The following RPS6KA2 variants were observed in gnomAD, a reference collection of about 807,000 sequenced individuals.
The protein encoded by RPS6KA2 is ribosomal protein S6 kinase alpha-2.
RPS6KA2 carries 42 observed loss-of-function variants against 91.8 expected under a neutral mutation model. The ratio of observed to expected loss-of-function variants is 0.46; its 90% CI spans 0.36 to 0.59. RPS6KA2 has a LOEUF of 0.59. RPS6KA2 is among the 20% of genes least tolerant of loss of function. The probability of loss-of-function intolerance (pLI) is 0.00; values close to 1 mark genes in which losing one functional copy is unlikely to be tolerated. For synonymous variants in RPS6KA2, 414 were observed against 393.6 expected (o/e 1.05, Z -0.61); for missense variants, 798 against 978.5 (o/e 0.82, Z 2.46).
intron 2 of RPS6KA2, among the ~76,000 whole-genome samples, chr6:166,646,967 TC>T (rs1787625326): frequency 6.6e-6 from 1 of 152,176 alleles, no homozygotes; most frequent in Non-Finnish European, 1.5e-5. Context: ...CTGTCCTTTC[TC>T]CAGGCTGACG....
chr6:166,481,326 TA>T (rs892349524), intron 10 of RPS6KA2, among the ~76,000 whole-genome samples: 2 of 152,264 alleles, frequency 1.3e-5, no homozygotes, highest in African/African-American at 4.8e-5. Flanking sequence ...AGATTAGAAA[TA>T]AATAAGCCAT....
intron 13 of RPS6KA2, 84 bp downstream of exon 13, chr6:166,451,019 T>G (rs907691048): frequency 6.4e-7 from 1 of 1,551,106 alleles, no homozygotes; most frequent in African/African-American, 1.4e-5. Flanking sequence ...AACCCCCGGG[T>G]GACTGAGGCC....
In RPS6KA2 at chr6:166,612,194, G is replaced by A. The variant is rs1217996221; in HGVS notation, c.99+14727C>T. Among the ~76,000 whole-genome samples, 1 of 152,102 alleles carries A rather than the reference G, an allele frequency of 6.6e-6. No individual in the cohort carries two copies. The highest frequency in any genetic ancestry group is 1.5e-5 in the Non-Finnish European group (1 of 68,028). On this transcript the variant is annotated intron_variant, in intron 1 of 20. Coordinates refer to ENST00000265678, the MANE Select transcript of RPS6KA2 (RefSeq NM_021135.6). The surrounding 1 kb of genome is among the most constrained non-coding windows in gnomAD (Gnocchi z 4.3). ...CCAGGGAACTCACTGACCATCTGGG[G>A]GGGCTCTAGGAAAAGCCTGGAAGAG...
intron 2 of RPS6KA2, among the ~76,000 whole-genome samples, chr6:166,661,261 T>C (rs1283583720): frequency 6.6e-6 from 1 of 152,138 alleles, no homozygotes; most frequent in Non-Finnish European, 1.5e-5. Context: ...TCATCACGCA[T>C]GGCTAATTTT....
chr6:166,790,121 A>G (rs1779043942), intron 2 of RPS6KA2, among the ~76,000 whole-genome samples: 1 of 152,180 alleles, frequency 6.6e-6, no homozygotes, highest in African/African-American at 2.4e-5. Context: ...TGAAAAAAAA[A>G]TTAGACGAAT....
At chr6:166,609,668 T>C (rs1017424652) in intron 1 of RPS6KA2, among the ~76,000 whole-genome samples, 5 of 152,104 alleles carry the variant, frequency 3.3e-5, no homozygotes, top group South Asian at 4.2e-4. Flanking sequence ...CCCAGCTAAT[T>C]TTTGTATTTT....
Position 166,665,165 on chromosome 6 carries a change from GAAC to G in RPS6KA2, c.124-126384_124-126382del, listed in dbSNP as rs150241013. 0.035 allele frequency among the ~76,000 whole-genome samples: 5,310 copies of G among 152,146 alleles called. 154 individuals carry two copies. Among genetic ancestry groups the G allele is most frequent in the East Asian group, 0.077 (400 of 5,170 alleles). ...GTGTTCAAGTTCTGCCTTCCATACA[GAAC>G]AACATCTGCAGGGCTCACAGACAGA... On this transcript the variant is annotated intron_variant, in intron 2 of 21. Coordinates refer to the RPS6KA2 transcript ENST00000503859. The surrounding 1 kb of genome is among the most constrained non-coding windows in gnomAD (Gnocchi z 4.5).
In RPS6KA2 at chr6:166,767,835, G is replaced by A. The variant is rs1003216654; in HGVS notation, c.123+90365C>T. Among the ~76,000 whole-genome samples the A allele has an allele frequency of 4.7e-5, 7 of 150,190 alleles. No individual in the cohort carries two copies. Among genetic ancestry groups the A allele is most frequent in the East Asian group, 3.9e-4 (2 of 5,112 alleles). On this transcript the variant is annotated intron_variant, in intron 2 of 21. Coordinates refer to the RPS6KA2 transcript ENST00000503859. This position sits in a 1 kb window ranked among gnomAD's most constrained non-coding sequence, Gnocchi z 4.6. ...CACACACCCTGGTGTCAGGCAGCCG[G>A]CCACCACAGAGTGTGTGCGGGGATT...
At chr6:166,669,529 A>G (rs1257161313) in intron 2 of RPS6KA2, among the ~76,000 whole-genome samples, 2 of 152,104 alleles carry the variant, frequency 1.3e-5, no homozygotes, top group East Asian at 1.9e-4. Context: ...TGATGGCTCC[A>G]AAGAGTCTCC....
intron 2 of RPS6KA2, among the ~76,000 whole-genome samples, chr6:166,748,378 G>C (rs183346078): frequency 1.3e-4 from 20 of 152,098 alleles, no homozygotes; most frequent in African/African-American, 4.1e-4. Context: ...GTCTTCCACC[G>C]GCAGAAACTC....
chr6:166,541,381 T>C (rs1783648551), intron 1 of RPS6KA2, among the ~76,000 whole-genome samples: 1 of 152,256 alleles, frequency 6.6e-6, no homozygotes, highest in South Asian at 2.1e-4. Flanking sequence ...TCCTTCCTTT[T>C]TCTTCAGCAG....
intron 2 of RPS6KA2, among the ~76,000 whole-genome samples, chr6:166,818,717 A>G (rs9366060): frequency 0.63 from 95,193 of 151,944 alleles, 31,258 homozygotes; most frequent in Non-Finnish European, 0.74. Context: ...TCCATCAATT[A>G]TTTTTTAGTC....
chr6:166,627,145 G>T lies in RPS6KA2; in HGVS notation c.-126C>A. ...GGAGCCCGGCACGGCGGCCATGGGCGCGGGGCGTGGGGCGCGAGCTGCGGT... is the reference window on the plus strand; with the variant it reads ...GGAGCCCGGCACGGCGGCCATGGGCTCGGGGCGTGGGGCGCGAGCTGCGGT... On this transcript the variant is annotated 5_prime_UTR_variant, in exon 1 of 21. Coordinates refer to ENST00000265678, the MANE Select transcript of RPS6KA2 (RefSeq NM_021135.6). 1 of 1,126,498 alleles carries T rather than the reference G, an allele frequency of 8.9e-7. No homozygotes were observed. The highest frequency in any genetic ancestry group is 1.1e-6 in the Non-Finnish European group (1 of 920,872). 69.8% of individuals were successfully genotyped at this position (1,126,498 alleles called of 1,614,324 possible). A position where few individuals can be genotyped will look rare whatever the true frequency, so the allele number is the denominator to read the frequency against.
chr6:166,524,892 C>A (rs1472023157), intron 3 of RPS6KA2, among the ~76,000 whole-genome samples: 1 of 152,214 alleles, frequency 6.6e-6, no homozygotes, highest in Non-Finnish European at 1.5e-5. Flanking sequence ...TTCCTGGCCC[C>A]TGTATCAGGG....
At chr6:166,452,427 T>C (rs919489820) in intron 12 of RPS6KA2, among the ~76,000 whole-genome samples, 26 of 152,100 alleles carry the variant, frequency 1.7e-4, no homozygotes, top group Non-Finnish European at 3.4e-4. Flanking sequence ...ATGCAATCTC[T>C]ATCAAAAAAC....
At chr6:166,415,939 C>G (rs574706687) in intron 19 of RPS6KA2, among the ~76,000 whole-genome samples, 263 of 149,918 alleles carry the variant, frequency 1.8e-3, no homozygotes, top group Non-Finnish European at 2.4e-3. Flanking sequence ...CCACCATTAC[C>G]CTCACCACAA....
chr6:166,517,476 T>G (rs1782694927), intron 3 of RPS6KA2, among the ~76,000 whole-genome samples: 2 of 98,012 alleles, frequency 2.0e-5, no homozygotes, highest in Admixed American at 1.1e-4. Context: ...TTTTTTTTTT[T>G]TTTTTTTTTT....
chr6:166,607,040 A>G (rs113041711), intron 1 of RPS6KA2, among the ~76,000 whole-genome samples: 1 of 151,554 alleles, frequency 6.6e-6, no homozygotes, highest in African/African-American at 2.4e-5. Context: ...TACTAGGGAG[A>G]CTGAGGCAGA....
Position 166,596,768 on chromosome 6 carries a change from A to G in RPS6KA2, c.99+30153T>C, listed in dbSNP as rs574851528. On this transcript the variant is annotated intron_variant, in intron 1 of 20. Transcript: ENST00000265678. ...TCCCTTTCACATATACATCTATCCT[A>G]TTAGTCCTGTCCCTCTACAGAACCC... Among the ~76,000 whole-genome samples the G allele has an allele frequency of 3.9e-5, 6 of 152,266 alleles. No homozygotes were observed. The South Asian group carries it at 1.2e-3, about 32-fold the overall frequency.
Sources: gnomAD v4.1 joint callset for allele counts (sites outside exome capture counted in the v4.1 genomes callset) on GRCh38, gnomAD v4.1.1 for gene constraint, Gnocchi (gnomAD v3.1) non-coding constraint, MANE v1.5 for transcripts, NCBI Gene and HGNC (gene_info 2026-07-23, HGNC 2026-07-21) for gene names.